The following KAZN variants were observed in gnomAD, a reference collection of about 807,000 sequenced individuals.
The protein encoded by KAZN is kazrin, periplakin interacting protein, also known as kazrin.
KAZN carries 40 observed loss-of-function variants against 87.4 expected under a neutral mutation model. That is an observed-to-expected ratio of 0.46 (90% confidence interval 0.36 to 0.60). The LOEUF (loss-of-function observed/expected upper bound fraction) is 0.60, where lower values mean the gene tolerates loss of function less well. Among genes scored for constraint, KAZN ranks in the 20% least tolerant of loss-of-function variants. The pLI, the probability that KAZN is intolerant of heterozygous loss-of-function variation, is 0.00. For missense variants in KAZN, 898 were observed against 1,073.9 expected (o/e 0.84, Z 2.29); for synonymous variants, 466 against 458.3 (o/e 1.02, Z -0.22).
At chr1:14,130,589 T>C (rs2101732270) in intron 1 of KAZN, among the ~76,000 whole-genome samples, 1 of 151,416 alleles carries the variant, frequency 6.6e-6, no homozygotes, top group South Asian at 2.1e-4. Flanking sequence ...TATCTGAACC[T>C]TCTGCCATCA....
intron 1 of KAZN, among the ~76,000 whole-genome samples, chr1:14,757,662 A>G (rs546798625): frequency 6.6e-6 from 1 of 152,272 alleles, no homozygotes; most frequent in African/African-American, 2.4e-5. Context: ...TTTTAGGAAA[A>G]CTATTTGGCT....
chr1:14,769,026 G>A lies in KAZN; in HGVS notation c.226+169803G>A, dbSNP rs1473273561. Among the ~76,000 whole-genome samples, 3 of 152,166 alleles carry A rather than the reference G, an allele frequency of 2.0e-5. No homozygotes were observed. Among genetic ancestry groups the A allele is most frequent in the Non-Finnish European group, 4.4e-5 (3 of 68,034 alleles). The stretch of plus-strand genomic sequence containing the variant: ...ATTCTTCACAGCTAGTTGACTTTCC[G>A]TAAAAGCTTCTGAGTTAATGAGTGA... On this transcript the variant is annotated intron_variant, in intron 1 of 14. Transcript: ENST00000376030. The surrounding 1 kb of genome is among the most constrained non-coding windows in gnomAD (Gnocchi z 4.1).
intron 2 of KAZN, among the ~76,000 whole-genome samples, chr1:14,437,847 G>A (rs1666486792): frequency 6.6e-6 from 1 of 152,156 alleles, no homozygotes; most frequent in South Asian, 2.1e-4. Flanking sequence ...AGCATTTGAA[G>A]TGACAGCAAC....
At position 14,038,262 on chromosome 1, in the gene KAZN, G is replaced by T. The variant is rs191645337; in HGVS notation, c.92-142173G>T. Among the ~76,000 whole-genome samples the T allele has an allele frequency of 1.5e-4, 23 of 152,316 alleles. No homozygotes were observed. The East Asian group carries it at 3.5e-3, about 23-fold the overall frequency. On this transcript the variant is annotated intron_variant, in intron 1 of 16. Transcript: ENST00000636203. ...AAAGGGATCTGGGGGTCTGGGTGGG[G>T]CAGGTGCAGTTGTGATTTTAAGTAG...
At chr1:15,084,112 T>C (rs1192092872) in intron 8 of KAZN, among the ~76,000 whole-genome samples, 1 of 152,046 alleles carries the variant, frequency 6.6e-6, no homozygotes, top group Non-Finnish European at 1.5e-5. Context: ...TCAAAACAAG[T>C]AGAACAGGGA....
chr1:13,968,739 T>A (rs900060852), intron 1 of KAZN, among the ~76,000 whole-genome samples: 11 of 152,190 alleles, frequency 7.2e-5, no homozygotes, highest in Non-Finnish European at 1.5e-4. Flanking sequence ...TTTTGTTTTC[T>A]TTTTTCCTAA....
intron 1 of KAZN, among the ~76,000 whole-genome samples, chr1:14,061,574 A>G (rs1172609726): frequency 1.3e-5 from 2 of 152,242 alleles, no homozygotes; most frequent in Admixed American, 6.5e-5. Context: ...CAAATGCCTC[A>G]TAAAGTAGGT....
rs540205511 is a variant in KAZN at position 15,030,428 on chromosome 1, C to T, written c.419-4321C>T. On this transcript the variant is annotated intron_variant, in intron 2 of 14. Transcript: ENST00000376030. ...GACTACAGGCACACGCCACCACGCC[C>T]GGCTAATTTTTGTATTTTTAGTAGA... Among the ~76,000 whole-genome samples the T allele has an allele frequency of 3.6e-3, 542 of 152,178 alleles. 3 individuals carry two copies. Among genetic ancestry groups the T allele is most frequent in the Middle Eastern group, 0.01 (3 of 294 alleles).
chr1:14,213,891 AC>A (rs1646906191), intron 2 of KAZN, among the ~76,000 whole-genome samples: 1 of 152,124 alleles, frequency 6.6e-6, no homozygotes, highest in Non-Finnish European at 1.5e-5. Context: ...ATTTTTAAGA[AC>A]CAACACGATT....
chr1:14,749,973 T>G (rs1644366826), intron 1 of KAZN, among the ~76,000 whole-genome samples: 1 of 152,036 alleles, frequency 6.6e-6, no homozygotes, highest in African/African-American at 2.4e-5. Flanking sequence ...AATCTATACA[T>G]GGGGTAAAAT....
intron 1 of KAZN, among the ~76,000 whole-genome samples, chr1:14,801,351 G>A (rs1646013429): frequency 6.6e-6 from 1 of 152,202 alleles, no homozygotes; most frequent in Non-Finnish European, 1.5e-5. Context: ...CTCACTGTCG[G>A]TTTCGTGACG....
Position 14,949,884 on chromosome 1 carries a change from C to A in KAZN, c.227-10800C>A, listed in dbSNP as rs1368901916. 6.6e-6 allele frequency among the ~76,000 whole-genome samples: 1 copy of A among 151,936 alleles called. No individual in the cohort carries two copies. The highest frequency in any genetic ancestry group is 1.9e-4 in the East Asian group (1 of 5,152). On this transcript the variant is annotated intron_variant, in intron 1 of 14. Transcript: ENST00000376030. The surrounding 1 kb of genome is among the most constrained non-coding windows in gnomAD (Gnocchi z 4.3). ...CCCATCTCCCCATGGGAACTCTGGG[C>A]AGCAAGATGGTAGAAGAGGATCCGC...
In KAZN at chr1:14,637,373, G is replaced by T. The variant is rs1680069809; in HGVS notation, c.226+38150G>T. Among the ~76,000 whole-genome samples, 4 of 152,164 alleles carry T rather than the reference G, an allele frequency of 2.6e-5. No homozygotes were observed. In the South Asian group the frequency reaches 8.3e-4, roughly 32 times the overall value. On this transcript the variant is annotated intron_variant, in intron 1 of 14. Transcript: ENST00000376030. The stretch of plus-strand genomic sequence containing the variant: ...TATTTCAGTGCCACAGCAATTCTGG[G>T]GGCCGGGAGGGGGCAGGTAGGATTA...
At chr1:14,660,499 C>A (rs1000008911) in intron 1 of KAZN, among the ~76,000 whole-genome samples, 8 of 145,264 alleles carry the variant, frequency 5.5e-5, no homozygotes, top group African/African-American at 2.1e-4. Flanking sequence ...TAAAATATTG[C>A]TTGAAAATAT....
chr1:14,734,501 C>T (rs1420666039), intron 1 of KAZN, among the ~76,000 whole-genome samples: 2 of 151,940 alleles, frequency 1.3e-5, no homozygotes, highest in Non-Finnish European at 2.9e-5. Flanking sequence ...TTAGTAGAGA[C>T]GGGGTTTCTC....
Position 14,837,775 on chromosome 1 carries a change from G to C in KAZN, c.227-122909G>C, listed in dbSNP as rs887229543. ...CAAGCCTGTTGCCCTGGCTGGTCTT[G>C]AACTCCTGGATTCGAGCAATCCCTC... On this transcript the variant is annotated intron_variant, in intron 1 of 14. Transcript: ENST00000376030. 2.6e-5 allele frequency among the ~76,000 whole-genome samples: 4 copies of C among 151,608 alleles called. No homozygotes were observed. In the South Asian group the frequency reaches 8.3e-4, roughly 32 times the overall value.
At chr1:14,024,181 A>G (rs966033396) in intron 1 of KAZN, among the ~76,000 whole-genome samples, 18 of 152,232 alleles carry the variant, frequency 1.2e-4, no homozygotes, top group African/African-American at 4.1e-4. Flanking sequence ...CGATGCAGAA[A>G]GATATTCAAT....
chr1:14,952,803 C>T (rs912464283), intron 1 of KAZN, among the ~76,000 whole-genome samples: 8 of 152,174 alleles, frequency 5.3e-5, no homozygotes, highest in Non-Finnish European at 8.8e-5. Flanking sequence ...GGTTTTCCTC[C>T]GGAAGATCAA....
chr1:14,920,097 A>AG (rs1490951881), intron 1 of KAZN, among the ~76,000 whole-genome samples: 1 of 151,994 alleles, frequency 6.6e-6, no homozygotes, highest in African/African-American at 2.4e-5. Context: ...GGGCTCAAAT[A>AG]TTCAACTTTA....
Sources: allele counts gnomAD v4.1 joint callset (sites outside exome capture counted in the v4.1 genomes callset), GRCh38; gene constraint gnomAD v4.1.1; non-coding constraint Gnocchi (gnomAD v3.1); transcripts MANE v1.5; gene names NCBI Gene and HGNC (gene_info 2026-07-23, HGNC 2026-07-21).